TAFA2: variants seen among roughly 807,000 people sequenced by gnomAD.
TAFA2 encodes chemokine-like protein TAFA-2.
A neutral mutation model predicts 18.8 loss-of-function variants in TAFA2; 7 were observed. The observed-to-expected ratio is 0.37, with a 90% CI of 0.21 to 0.70. The LOEUF (loss-of-function observed/expected upper bound fraction) is 0.70. Ranked by LOEUF, TAFA2 falls within the 30% of genes least tolerant of loss-of-function variation. The pLI is 0.53. For missense variants in TAFA2, 122 were observed against 158.1 expected, an observed-to-expected ratio of 0.77 and a Z score of 1.23; for synonymous variants, 60 against 54.2, an observed-to-expected ratio of 1.11 and a Z score of -0.47.
intron 1 of TAFA2, among the ~76,000 whole-genome samples, chr12:61,904,266 A>G (rs1452120867): frequency 6.6e-6 from 1 of 152,160 alleles, no homozygotes; most frequent in Non-Finnish European, 1.5e-5. Flanking sequence ...CCAGTATGGA[A>G]TCTGGACACT....
intron 2 of TAFA2, among the ~76,000 whole-genome samples, chr12:61,853,434 A>G (rs1196575015): frequency 6.6e-6 from 1 of 151,996 alleles, no homozygotes; most frequent in Non-Finnish European, 1.5e-5. Context: ...TAAAAACACT[A>G]TTAGTGTTTT....
intron 1 of TAFA2, among the ~76,000 whole-genome samples, chr12:62,187,687 C>T (rs2062595619): frequency 1.3e-5 from 2 of 152,130 alleles, no homozygotes; most frequent in Admixed American, 1.3e-4. Context: ...AATCACTGCA[C>T]TGAATGAACA....
chr12:62,059,860 G>T (rs944880719), intron 1 of TAFA2, among the ~76,000 whole-genome samples: 24 of 151,998 alleles, frequency 1.6e-4, no homozygotes, highest in African/African-American at 5.6e-4. Context: ...AAGGTCACTT[G>T]TTCCTCATTT....
chr12:61,827,374 C>T (rs1055463870), intron 2 of TAFA2: 2 of 151,930 alleles, frequency 1.3e-5, no homozygotes, highest in East Asian at 1.9e-4. Flanking sequence ...CCATGTGATT[C>T]CAAAAAGCTA....
Position 61,858,149 on chromosome 12 carries a change from T to C in TAFA2, c.106+9171A>G, listed in dbSNP as rs186340478. On this transcript the variant is annotated intron_variant, in intron 2 of 4. Coordinates refer to ENST00000416284, the MANE Select transcript of TAFA2 (RefSeq NM_178539.5). ...TTGGCAGACCCTGCAGTGTGCACAA[T>C]CACGAGCCCTGTGAAACATTGTGTT... Among the ~76,000 whole-genome samples the C allele has an allele frequency of 7.7e-4, 118 of 152,306 alleles. 1 individual carries two copies. The highest frequency in any genetic ancestry group is 1.6e-3 in the Non-Finnish European group (106 of 68,018).
In TAFA2 at chr12:61,841,659, T is replaced by A. The variant is rs141760767; in HGVS notation, c.106+25661A>T. Among the ~76,000 whole-genome samples the A allele has an allele frequency of 7.9e-3, 1,209 of 152,212 alleles. 6 individuals carry two copies. The highest frequency in any genetic ancestry group is 0.013 in the Non-Finnish European group (859 of 68,004). ...TGTGTTTTCATACAAATTTCAGGAT[T>A]TTTTTAAATTTCTGGGAAGAATGTC... On this transcript the variant is annotated intron_variant, in intron 2 of 4. Transcript: ENST00000416284.
intron 1 of TAFA2, among the ~76,000 whole-genome samples, chr12:62,229,249 C>A (rs1487529232): frequency 1.3e-5 from 2 of 151,974 alleles, no homozygotes; most frequent in Non-Finnish European, 2.9e-5. Flanking sequence ...AGTACTAGTA[C>A]TACATTGAAT....
chr12:61,855,800 G>A (rs528280228), intron 2 of TAFA2, among the ~76,000 whole-genome samples: 10 of 152,078 alleles, frequency 6.6e-5, no homozygotes, highest in South Asian at 2.1e-4. Flanking sequence ...GAAAGGCAAC[G>A]TGAAAAAGCA....
In TAFA2 at chr12:61,787,014, C is replaced by T. The variant is rs557174814; in HGVS notation, c.107-31990G>A. 1.1e-4 allele frequency among the ~76,000 whole-genome samples: 17 copies of T among 151,326 alleles called. No individual in the cohort carries two copies. In the South Asian group the frequency reaches 1.5e-3, roughly 13 times the overall value. ...GCGAGATTAGTGATTTAAACTTAAC[C>T]GCATAAGTAATCACATTAAATCAAA... On this transcript the variant is annotated intron_variant, in intron 2 of 4. Transcript: ENST00000416284.
intron 2 of TAFA2, among the ~76,000 whole-genome samples, chr12:61,813,223 C>T (rs1300057100): frequency 1.3e-5 from 2 of 151,220 alleles, no homozygotes; most frequent in African/African-American, 4.9e-5. Context: ...AATCTCATTG[C>T]TTTAATTTGC....
chr12:61,742,928 A>AC (rs1341329012), intron 4 of TAFA2, among the ~76,000 whole-genome samples: 2 of 151,810 alleles, frequency 1.3e-5, no homozygotes, highest in Non-Finnish European at 2.9e-5. Flanking sequence ...AATTCTGTTG[A>AC]CCCATTGCAG....
rs973654298 is a variant in TAFA2, at chr12:62,204,713, C to T, written c.-130+54050G>A. Among the ~76,000 whole-genome samples, 6 of 152,082 alleles carry T rather than the reference C, an allele frequency of 3.9e-5. No individual in the cohort carries two copies. In the South Asian group the frequency reaches 1.0e-3, roughly 26 times the overall value. On this transcript the variant is annotated intron_variant, in intron 1 of 5. Coordinates refer to the TAFA2 transcript ENST00000551619. ...ATGTTCCTCTCTAACCAGAGAATAA[C>T]CAGTTATTCTGTCATGTTTTATCAT...
chr12:62,148,269 C>T (rs1006553277), intron 1 of TAFA2, among the ~76,000 whole-genome samples: 1 of 152,208 alleles, frequency 6.6e-6, no homozygotes, highest in Non-Finnish European at 1.5e-5. Flanking sequence ...GCACTATTCA[C>T]AATGGCAAAG....
At chr12:61,860,661 C>A (rs1280649760) in intron 2 of TAFA2, among the ~76,000 whole-genome samples, 2 of 152,256 alleles carry the variant, frequency 1.3e-5, no homozygotes, top group East Asian at 3.9e-4. Context: ...CCAGTGAATT[C>A]TTTGTTTCAT....
intron 1 of TAFA2, among the ~76,000 whole-genome samples, chr12:62,154,715 T>A (rs2062356462): frequency 6.6e-6 from 1 of 152,224 alleles, no homozygotes; most frequent in African/African-American, 2.4e-5. Flanking sequence ...TTACGATAAT[T>A]TTTCTAATGT....
intron 1 of TAFA2, among the ~76,000 whole-genome samples, chr12:61,973,407 T>G (rs950133219): frequency 8.4e-4 from 125 of 148,350 alleles, no homozygotes; most frequent in Middle Eastern, 3.5e-3. Flanking sequence ...TTTTTTTTTT[T>G]TTTTTTTAGT....
At chr12:62,015,948 A>G (rs1880923215) in intron 1 of TAFA2, among the ~76,000 whole-genome samples, 1 of 152,188 alleles carries the variant, frequency 6.6e-6, no homozygotes, top group African/African-American at 2.4e-5. Context: ...GGGAAGACAA[A>G]AAGTTTTGGA....
At chr12:61,916,032 A>G (rs1381465183) in intron 1 of TAFA2, among the ~76,000 whole-genome samples, 1 of 152,182 alleles carries the variant, frequency 6.6e-6, no homozygotes, top group Non-Finnish European at 1.5e-5. Flanking sequence ...ACTAGAGGAC[A>G]TGGGTTACTT....
intron 1 of TAFA2, chr12:62,235,044 G>A (rs2062830458): frequency 9.6e-6 from 6 of 627,452 alleles, no homozygotes; most frequent in Non-Finnish European, 1.8e-5. Context: ...AGACATCACT[G>A]GAATTCCAGT....
Sources: allele counts gnomAD v4.1 joint callset (sites outside exome capture counted in the v4.1 genomes callset), GRCh38; gene constraint gnomAD v4.1.1; transcripts MANE v1.5; gene names NCBI Gene and HGNC (gene_info 2026-07-23, HGNC 2026-07-21).